Variants in DNAH7 observed in about 807,000 individuals in gnomAD.
The protein encoded by DNAH7 is axonemal beta dynein heavy chain 7.
A neutral mutation model predicts 444.6 loss-of-function variants in DNAH7; 397 were observed. The ratio of observed to expected loss-of-function variants is 0.89; its 90% CI spans 0.82 to 0.97. The LOEUF (loss-of-function observed/expected upper bound fraction) is 0.97, where lower values mean the gene tolerates loss of function less well. Among genes scored for constraint, DNAH7 ranks in the 50% least tolerant of loss-of-function variants. DNAH7 has a pLI of 0.00. For missense variants in DNAH7, 4,902 were observed against 4,800.8 expected (o/e 1.02, Z -0.62); for synonymous variants, 1,636 against 1,624.4 (o/e 1.01, Z -0.17).
At chr2:195,809,962 A>G in intron 51 of DNAH7, 91 bp from the exon 52 acceptor site, 1 of 1,083,468 alleles carries the variant, frequency 9.2e-7, no homozygotes, top group Non-Finnish European at 1.2e-6. Flanking sequence ...CTTCTGATAA[A>G]CTTTCTGGTC....
Position 196,029,060 on chromosome 2 carries a change from G to C in DNAH7, c.399-1013C>G, listed in dbSNP as rs537121463. ...ATAAATGTTTGTTAAGTGAGGGAAT[G>C]CAAGTATGAAAGTAGAAGAAATCCT... On this transcript the variant is annotated intron_variant, in intron 5 of 64. Coordinates refer to ENST00000312428, the MANE Select transcript of DNAH7 (RefSeq NM_018897.3). Among the ~76,000 whole-genome samples, 6 of 152,300 alleles carry C rather than the reference G, an allele frequency of 3.9e-5. No individual in the cohort carries two copies. The South Asian group carries it at 1.2e-3, about 32-fold the overall frequency.
chr2:195,825,341 GTTAT>G (rs1470683242), intron 48 of DNAH7, among the ~76,000 whole-genome samples: 1 of 151,716 alleles, frequency 6.6e-6, no homozygotes, highest in African/African-American at 2.4e-5. Context: ...TCTCTCTAGT[GTTAT>G]TTATCTTTCT....
intron 1 of DNAH7, among the ~76,000 whole-genome samples, chr2:196,065,372 T>G (rs1698372897): frequency 1.3e-5 from 2 of 152,166 alleles, no homozygotes; most frequent in Admixed American, 6.5e-5. Flanking sequence ...AAATGAAAAA[T>G]TCATCATAGG....
intron 49 of DNAH7, among the ~76,000 whole-genome samples, chr2:195,819,368 A>G (rs143801565): frequency 1.4e-4 from 22 of 152,258 alleles, no homozygotes; most frequent in African/African-American, 4.6e-4. Context: ...TCATGGTTGT[A>G]TTGTTCAGCA....
At chr2:195,991,461 AACC>A (rs1693335872) in intron 12 of DNAH7, among the ~76,000 whole-genome samples, 1 of 152,230 alleles carries the variant, frequency 6.6e-6, no homozygotes, top group African/African-American at 2.4e-5. Flanking sequence ...TGAAAACAAG[AACC>A]ACAACAAAAA....
At chr2:196,000,657 A>G in intron 12 of DNAH7, 47 bp downstream of exon 12, 1 of 1,377,922 alleles carries the variant, frequency 7.3e-7, no homozygotes, top group Non-Finnish European at 9.6e-7. Context: ...ACTTGAAGTG[A>G]ATGTCATTAT....
chr2:196,036,716 A>C (rs1696418211), intron 5 of DNAH7, among the ~76,000 whole-genome samples: 1 of 151,878 alleles, frequency 6.6e-6, no homozygotes, highest in African/African-American at 2.4e-5. Context: ...CGACACCAAT[A>C]ATCTGGGTGT....
intron 63 of DNAH7, among the ~76,000 whole-genome samples, chr2:195,748,074 A>C (rs1693538392): frequency 1.3e-5 from 2 of 152,162 alleles, no homozygotes; most frequent in African/African-American, 4.8e-5. Context: ...ATGATTGTAT[A>C]TCTAGAAAAC....
chr2:195,860,956 C>T (rs1222933576), intron 42 of DNAH7, among the ~76,000 whole-genome samples: 4 of 151,148 alleles, frequency 2.6e-5, no homozygotes, highest in African/African-American at 7.3e-5. Context: ...CATATGTATA[C>T]GTTTAAAATA....
chr2:195,798,710 ATTT>A (rs763153016), intron 55 of DNAH7, among the ~76,000 whole-genome samples: 9 of 150,044 alleles, frequency 6.0e-5, no homozygotes, highest in Non-Finnish European at 8.9e-5. Flanking sequence ...CGCCCAGCTA[ATTT>A]TTTTTTGTAT....
intron 5 of DNAH7, among the ~76,000 whole-genome samples, chr2:196,042,728 C>T (rs902238020): frequency 2.6e-5 from 4 of 151,980 alleles, no homozygotes; most frequent in African/African-American, 9.7e-5. Context: ...AAACTAGAAA[C>T]TTCTTCATTT....
At chr2:195,948,525 C>T (rs1689984024) in intron 19 of DNAH7, among the ~76,000 whole-genome samples, 1 of 152,108 alleles carries the variant, frequency 6.6e-6, no homozygotes, top group African/African-American at 2.4e-5. Flanking sequence ...GCCAGTTTTC[C>T]CAACACCATT....
At chr2:195,935,602 A>AGACAT (rs1688995286) in intron 20 of DNAH7, among the ~76,000 whole-genome samples, 1 of 152,230 alleles carries the variant, frequency 6.6e-6, no homozygotes, top group Non-Finnish European at 1.5e-5. Flanking sequence ...CGCTAGAGGA[A>AGACAT]GACATGCCAT....
At position 195,883,451 on chromosome 2, in the gene DNAH7, T is replaced by TCCCCC. The variant is rs778869268; in HGVS notation, c.5763+1129_5763+1133dup. The stretch of plus-strand genomic sequence containing the variant: ...CAACACAGCGAGACTCAGTCCCCGC[T>TCCCCC]CCCCCCCCCCAAAAAAAAAGAATCA... On this transcript the variant is annotated intron_variant, in intron 35 of 64. Transcript: ENST00000312428. 1.1e-3 allele frequency among the ~76,000 whole-genome samples: 135 copies of TCCCCC among 121,034 alleles called. 1 individual carries two copies. The highest frequency in any genetic ancestry group is 4.2e-3 in the African/African-American group (130 of 31,074). The allele number at this position is 121,034 out of a possible 152,430, so 79.4% of individuals were successfully genotyped here.
intron 40 of DNAH7, among the ~76,000 whole-genome samples, chr2:195,868,666 T>G (rs1417189037): frequency 6.6e-6 from 1 of 150,852 alleles, no homozygotes; most frequent in Non-Finnish European, 1.5e-5. Context: ...TTTCATTTTT[T>G]GGATGGTGTT....
At chr2:195,978,127 A>T (rs1036637406) in intron 15 of DNAH7, among the ~76,000 whole-genome samples, 2 of 152,168 alleles carry the variant, frequency 1.3e-5, no homozygotes, top group African/African-American at 2.4e-5. Context: ...TGTGGTGTGT[A>T]AACTATATAT....
chr2:195,879,041 C>A (rs967437900), intron 36 of DNAH7, among the ~76,000 whole-genome samples: 6 of 151,916 alleles, frequency 3.9e-5, no homozygotes, highest in African/African-American at 1.4e-4. Context: ...GTTTACGTAC[C>A]CTTCCAAATC....
chr2:195,860,995 G>A (rs1699984902), intron 42 of DNAH7, among the ~76,000 whole-genome samples: 1 of 151,888 alleles, frequency 6.6e-6, no homozygotes, highest in African/African-American at 2.4e-5. Flanking sequence ...TAAGTATCTA[G>A]TAATGTTTGA....
chr2:195,894,902 T>A (rs1702217350), intron 30 of DNAH7, 74 bp downstream of exon 30: 1 of 1,331,096 alleles, frequency 7.5e-7, no homozygotes, highest in Admixed American at 2.8e-5. Flanking sequence ...TGAATGCATC[T>A]TTTAAAATAA....
Sources: gnomAD v4.1 joint callset for allele counts (sites outside exome capture counted in the v4.1 genomes callset) on GRCh38, gnomAD v4.1.1 for gene constraint, MANE v1.5 for transcripts, NCBI Gene and HGNC (gene_info 2026-07-23, HGNC 2026-07-21) for gene names.